Variants in CD101 observed in about 807,000 individuals in gnomAD.
The protein encoded by CD101 is CD101 molecule, also known as immunoglobulin superfamily member 2.
In CD101, 76 loss-of-function variants were observed where a neutral mutation model predicts 98.2. That is an observed-to-expected ratio of 0.77 (90% CI 0.64 to 0.94). The LOEUF (loss-of-function observed/expected upper bound fraction) is 0.94. Among genes scored for constraint, CD101 ranks in the 40% least tolerant of loss-of-function variants. The pLI is 0.00. For missense variants in CD101, 1,145 were observed against 1,218.8 expected (o/e 0.94, Z 0.90); for synonymous variants, 471 against 472.7 (o/e 1.00, Z 0.05).
intron 1 of CD101, among the ~76,000 whole-genome samples, chr1:117,008,399 A>C (rs1304338169): frequency 6.6e-6 from 1 of 152,068 alleles, no homozygotes; most frequent in Non-Finnish European, 1.5e-5. Context: ...TGGGAGGCAG[A>C]GGTTGCAGTG....
In CD101 at chr1:117,025,900, T is replaced by A; in HGVS notation, c.2820T>A (p.Pro940=). ...AGCGGATGGTGCTCACGGTGCTGCC[T>A]TCAGGTAACCAGGGGTTTATCTACC... ...ESQRMVLTVL[P]SEPTLPSRIC... The change falls in exon 8 of 10, where the codon CCT becomes CCA. Residue 940 remains proline (P), a synonymous_variant. Coordinates refer to ENST00000682167, the MANE Select transcript of CD101 (RefSeq NM_001256106.3). The A allele has an allele frequency of 6.2e-7, 1 of 1,604,286 alleles. No individual in the cohort carries two copies. Among genetic ancestry groups the A allele is most frequent in the East Asian group, 2.2e-5 (1 of 44,672 alleles).
Position 117,001,812 on chromosome 1 carries a change from GC to G in CD101, c.-3del. The G allele has an allele frequency of 6.2e-7, 1 of 1,613,898 alleles. No homozygotes were observed. The highest frequency in any genetic ancestry group is 8.5e-7 in the Non-Finnish European group (1 of 1,179,876). The stretch of plus-strand genomic sequence containing the variant: ...ATTGGGACGAAAAAGGACTGTGCTG[GC>G]CCAAATGGCAGGCATCTCATATGTG... On this transcript the variant is annotated 5_prime_UTR_variant, in exon 1 of 10. Transcript: ENST00000682167.
rs1380530480 is a variant in CD101, at chr1:117,019,586, TC to T, written c.2017+1027del. ...AGAAAACAGTTTCTCTGGATTCTAT[TC>T]TTAGCTTTGTTCTCTTTTCATTCTA... is the stretch of plus-strand genomic sequence containing the variant. On this transcript the variant is annotated intron_variant, in intron 6 of 9. Transcript: ENST00000682167. This position sits in a 1 kb window ranked among gnomAD's most constrained non-coding sequence, Gnocchi z 4.3. 6.6e-6 allele frequency among the ~76,000 whole-genome samples: 1 copy of T among 152,228 alleles called. No individual in the cohort carries two copies. The highest frequency in any genetic ancestry group is 2.4e-5 in the African/African-American group (1 of 41,458).
At chr1:117,025,273 G>T (rs1653833204) in intron 7 of CD101, among the ~76,000 whole-genome samples, 1 of 152,156 alleles carries the variant, frequency 6.6e-6, no homozygotes, top group South Asian at 2.1e-4. Flanking sequence ...TGAGGCAGGA[G>T]AATTGCTTGA....
chr1:117,016,048 T>C (rs1168424809), intron 4 of CD101, among the ~76,000 whole-genome samples: 1 of 152,136 alleles, frequency 6.6e-6, no homozygotes, highest in East Asian at 1.9e-4. Flanking sequence ...ATTTCCCATC[T>C]GGGAGCCAGA....
At chr1:117,029,145 A>AAG (rs1654164268) in intron 8 of CD101, among the ~76,000 whole-genome samples, 1 of 95,088 alleles carries the variant, frequency 1.1e-5, no homozygotes, top group Admixed American at 1.1e-4. Context: ...GAAAGAAAGA[A>AAG]AGAAAGAAAG....
rs1652571488 is a variant in CD101, at chr1:117,006,962, C to T, written c.44-2888C>T. ...TGTTTTCACAATAAAAATTTTCAAA[C>T]GTGGTACCCATCTTGCTGAAAAGTG... On this transcript the variant is annotated intron_variant, in intron 1 of 9. Coordinates refer to ENST00000682167, the MANE Select transcript of CD101 (RefSeq NM_001256106.3). The surrounding 1 kb of genome is among the most constrained non-coding windows in gnomAD (Gnocchi z 4.4). Among the ~76,000 whole-genome samples the T allele has an allele frequency of 6.6e-6, 1 of 152,172 alleles. No homozygotes were observed. Among genetic ancestry groups the T allele is most frequent in the Admixed American group, 6.5e-5 (1 of 15,294 alleles).
intron 1 of CD101, among the ~76,000 whole-genome samples, chr1:117,003,420 A>G (rs1227965771): frequency 1.3e-5 from 2 of 152,222 alleles, no homozygotes; most frequent in Non-Finnish European, 1.5e-5. Flanking sequence ...TACTGGGACC[A>G]CTTGCTGGGT....
In CD101 at chr1:117,017,345, A is replaced by G. The variant is rs553156028; in HGVS notation, c.1484A>G (p.Gln495Arg). Residue 495 changes from glutamine (Q) to arginine (R), a missense_variant, in exon 5 of 10, where the codon CAG (glutamine) becomes CGG (arginine). Coordinates refer to ENST00000682167, the MANE Select transcript of CD101 (RefSeq NM_001256106.3). ...RLEKMDWATF[Q>R]LEITFTAITD... ...GAGAAAATGGACTGGGCCACCTTCC[A>G]GCTGGAGATCACCTTCACTGCCATC... is the stretch of plus-strand genomic sequence containing the variant. The G allele has an allele frequency of 1.9e-6, 3 of 1,614,254 alleles. No individual in the cohort carries two copies. Among genetic ancestry groups the G allele is most frequent in the Non-Finnish European group, 2.5e-6 (3 of 1,180,048 alleles).
rs945319589 is a variant in CD101, at chr1:117,023,756, C to A, written c.2429-1753C>A. Among the ~76,000 whole-genome samples the A allele has an allele frequency of 4.6e-5, 7 of 152,016 alleles. No homozygotes were observed. Among genetic ancestry groups the A allele is most frequent in the African/African-American group, 1.7e-4 (7 of 41,376 alleles). ...TACTGCAAGTGTCAAGCAGAACATA[C>A]CTGTGGGCTTGGTGTGGCTGTGGAC... is the stretch of plus-strand genomic sequence containing the variant. On this transcript the variant is annotated intron_variant, in intron 7 of 9. Transcript: ENST00000682167. The surrounding 1 kb of genome is among the most constrained non-coding windows in gnomAD (Gnocchi z 4.4).
Position 117,025,656 on chromosome 1 carries a change from G to A in CD101, c.2576G>A (p.Ser859Asn). ...TACTGGAACAGAGAAAACTCTGGAA[G>A]TAAATTGCTGGTGCACTTGCAACAT... is the stretch of plus-strand genomic sequence containing the variant. ...MWYWNRENSGSKLLVHLQHDG... is the reference protein window; with the variant it reads ...MWYWNRENSGNKLLVHLQHDG... The change falls in exon 8 of 10, where the codon AGT becomes AAT. Residue 859 changes from serine to asparagine, a missense_variant. Transcript: ENST00000682167. The A allele has an allele frequency of 6.2e-7, 1 of 1,614,220 alleles. No individual in the cohort carries two copies. Among genetic ancestry groups the A allele is most frequent in the Admixed American group, 1.7e-5 (1 of 60,026 alleles).
rs1279743391 is a variant in CD101, at chr1:117,010,163, T to TGAA, written c.359_360insAGA (p.Glu120dup). On this transcript the variant is annotated inframe_insertion, in exon 2 of 10. Coordinates refer to ENST00000682167, the MANE Select transcript of CD101 (RefSeq NM_001256106.3). This position sits in a 1 kb window ranked among gnomAD's most constrained non-coding sequence, Gnocchi z 5.2. ...TCCAGATGAAGGATGCTGGCGAGTA[T>TGAA]GAGTGTCACACACCAAACACTGATG... 6.2e-7 allele frequency: 1 copy of TGAA among 1,614,188 alleles called. No individual in the cohort carries two copies. The highest frequency in any genetic ancestry group is 2.2e-5 in the East Asian group (1 of 44,892).
intron 8 of CD101, among the ~76,000 whole-genome samples, chr1:117,030,912 G>T (rs559734342): frequency 6.6e-6 from 1 of 152,158 alleles, no homozygotes; most frequent in Non-Finnish European, 1.5e-5. Context: ...GCTTGGCTGT[G>T]GGTGGAAGCA....
chr1:117,029,200 AAAGAAAAGAAAGAAAAGAAAGAAAGAAAG>A lies in CD101; in HGVS notation c.2824+3299_2824+3327del, dbSNP rs1557778861. Among the ~76,000 whole-genome samples the A allele has an allele frequency of 2.0e-3, 70 of 35,194 alleles. 1 individual carries two copies. Among genetic ancestry groups the A allele is most frequent in the Admixed American group, 2.7e-3 (7 of 2,554 alleles). The allele number at this position is 35,194 out of a possible 152,430, so 23.1% of individuals were successfully genotyped here. On this transcript the variant is annotated intron_variant, in intron 8 of 9. Coordinates refer to ENST00000682167, the MANE Select transcript of CD101 (RefSeq NM_001256106.3). ...GAAAGAAAGAAAGAAAGAAAGAAAG[AAAGAAAAGAAAGAAAAGAAAGAAAGAAAG>A]AAAGAAAGAAAGAAAGAAAGAAAGA...
In CD101 at chr1:117,021,066, C is replaced by T. The variant is rs903258387; in HGVS notation, c.2018-507C>T. ...TGTACAACTTCCTTTTGTTTACCCA[C>T]GTTTGAAGGCAGATACAACTAGAGT... On this transcript the variant is annotated intron_variant, in intron 6 of 9. Coordinates refer to ENST00000682167, the MANE Select transcript of CD101 (RefSeq NM_001256106.3). This position sits in a 1 kb window ranked among gnomAD's most constrained non-coding sequence, Gnocchi z 4.7. Among the ~76,000 whole-genome samples the T allele has an allele frequency of 2.6e-5, 4 of 152,180 alleles. No homozygotes were observed. The highest frequency in any genetic ancestry group is 1.9e-4 in the East Asian group (1 of 5,200).
Position 117,013,399 on chromosome 1 carries a change from T to G in CD101, c.842-7T>G. On this transcript the variant is annotated splice_region_variant and splice_polypyrimidine_tract_variant and intron_variant, in intron 3 of 9. Transcript: ENST00000682167. ...CTCTAAATACCTGCCTTGCTTTTGT[T>G]TCCCAGTGAAAGATTTTCAAGTCAA... 1 of 1,598,722 alleles carries G rather than the reference T, an allele frequency of 6.3e-7. No homozygotes were observed. Among genetic ancestry groups the G allele is most frequent in the Non-Finnish European group, 8.5e-7 (1 of 1,170,588 alleles).
chr1:117,035,341 C>G (rs1207091846), intron 9 of CD101, among the ~76,000 whole-genome samples: 1 of 152,168 alleles, frequency 6.6e-6, no homozygotes, highest in East Asian at 1.9e-4. Context: ...GCACACACGT[C>G]CTCTCCAAAC....
rs150724602 is a variant in CD101, at chr1:117,011,788, C to T, written c.663C>T (p.Asp221=). The T allele has an allele frequency of 3.8e-5, 62 of 1,614,014 alleles. No homozygotes were observed. The African/African-American group carries it at 6.3e-4, about 16-fold the overall frequency. ...PLYTERFAAS[D]VQLNKLGPTT... ...ATACAGAGCGGTTTGCAGCCAGTGA[C>T]GTACAGCTCAACAAACTGGGACCCA... Residue 221 remains aspartate (D), a synonymous_variant, in exon 3 of 10, where the codon GAC becomes GAT. Coordinates refer to ENST00000682167, the MANE Select transcript of CD101 (RefSeq NM_001256106.3).
In CD101 at chr1:117,012,230, T is replaced by C. The variant is rs1652935854; in HGVS notation, c.841+264T>C. Among the ~76,000 whole-genome samples, 4 of 152,338 alleles carry C rather than the reference T, an allele frequency of 2.6e-5. No individual in the cohort carries two copies. The South Asian group carries it at 8.3e-4, about 32-fold the overall frequency. On this transcript the variant is annotated intron_variant, in intron 3 of 9. Transcript: ENST00000682167. This position sits in a 1 kb window ranked among gnomAD's most constrained non-coding sequence, Gnocchi z 4.0. ...CAAGCCAGTCATGGAAGTAGTTTTG[T>C]TACCATTTTTGCCAGTCTCTGTTCA...
Sources: allele counts gnomAD v4.1 joint callset (sites outside exome capture counted in the v4.1 genomes callset), GRCh38; gene constraint gnomAD v4.1.1; non-coding constraint Gnocchi (gnomAD v3.1); transcripts MANE v1.5; gene names NCBI Gene and HGNC (gene_info 2026-07-23, HGNC 2026-07-21).